The following CCDC60 variants were observed in gnomAD, a reference collection of about 807,000 sequenced individuals.
CCDC60 encodes coiled-coil domain containing 60.
A neutral mutation model predicts 63.5 loss-of-function variants in CCDC60; 54 were observed. The ratio of observed to expected loss-of-function variants is 0.85; its 90% CI spans 0.68 to 1.07. The LOEUF (loss-of-function observed/expected upper bound fraction) is 1.07, where lower values mean the gene tolerates loss of function less well. Ranked by LOEUF, CCDC60 falls within the 50% of genes least tolerant of loss-of-function variation. The pLI, the probability that CCDC60 is intolerant of heterozygous loss-of-function variation, is 0.00. For missense variants in CCDC60, 651 were observed against 684.3 expected, an observed-to-expected ratio of 0.95 and a Z score of 0.54; for synonymous variants, 206 against 238.8, an observed-to-expected ratio of 0.86 and a Z score of 1.27.
intron 7 of CCDC60, among the ~76,000 whole-genome samples, chr12:119,513,778 G>A (rs1479876163): frequency 2.6e-5 from 4 of 152,150 alleles, no homozygotes; most frequent in Non-Finnish European, 5.9e-5. Flanking sequence ...CTGTAATGAT[G>A]CTGGTGTCAA....
At chr12:119,360,563 C>T (rs1209403873) in intron 1 of CCDC60, among the ~76,000 whole-genome samples, 1 of 151,742 alleles carries the variant, frequency 6.6e-6, no homozygotes, top group African/African-American at 2.4e-5. Context: ...ACGCTCCTCA[C>T]CTCCCAGACG....
chr12:119,404,193 G>A (rs1956443587), intron 1 of CCDC60, among the ~76,000 whole-genome samples: 3 of 152,196 alleles, frequency 2.0e-5, no homozygotes, highest in Admixed American at 2.0e-4. Context: ...GGGAGGCTGA[G>A]GCAGGAGAAT....
At chr12:119,526,000 C>T (rs1020014885) in intron 11 of CCDC60, among the ~76,000 whole-genome samples, 1 of 152,154 alleles carries the variant, frequency 6.6e-6, no homozygotes, top group Non-Finnish European at 1.5e-5. Flanking sequence ...AATCACATCA[C>T]CTGACCTCAA....
intron 2 of CCDC60, among the ~76,000 whole-genome samples, chr12:119,448,765 C>G (rs1437042689): frequency 6.6e-6 from 1 of 152,158 alleles, no homozygotes; most frequent in Non-Finnish European, 1.5e-5. Context: ...CTCTTAATAG[C>G]AGTTGCCTAG....
chr12:119,507,581 CATATATATACAT>C (rs1952070999), intron 7 of CCDC60, among the ~76,000 whole-genome samples: 1 of 27,326 alleles, frequency 3.7e-5, no homozygotes, highest in South Asian at 2.1e-3. Flanking sequence ...TATATATACA[CATATATATACAT>C]ATATATATAT....
intron 3 of CCDC60, among the ~76,000 whole-genome samples, chr12:119,472,577 T>A (rs1007497587): frequency 9.1e-5 from 2 of 21,956 alleles, no homozygotes; most frequent in Non-Finnish European, 1.7e-4. Flanking sequence ...AAATGCCTCC[T>A]TTTTTTTTTT....
chr12:119,364,680 T>A lies in CCDC60; in HGVS notation c.90+29414T>A, dbSNP rs1955822989. ...TGAGAAGATAAAAGTAATTTGCCGG[T>A]GCATCTTATAATTGATGCCCACACT... On this transcript the variant is annotated intron_variant, in intron 1 of 13. Transcript: ENST00000327554. 2.6e-5 allele frequency among the ~76,000 whole-genome samples: 4 copies of A among 152,200 alleles called. No homozygotes were observed. In the South Asian group the frequency reaches 8.3e-4, roughly 31 times the overall value.
rs1358308429 is a variant in CCDC60, at chr12:119,479,184, G to T, written c.432G>T (p.Ser144=). Residue 144 remains serine (S), a synonymous_variant, in exon 4 of 14, where the codon TCG becomes TCT. Transcript: ENST00000327554. ...TCCACAGCTGCATCATTTCTCCCTC[G>T]CTAACCGAGGCTCACGTGTAAGTAG... is the stretch of plus-strand genomic sequence containing the variant. ...TPIHSCIISP[S]LTEAHVEPLF... is the part of the protein sequence containing the mutation. 6.2e-7 allele frequency: 1 copy of T among 1,613,392 alleles called. No individual in the cohort carries two copies. Among genetic ancestry groups the T allele is most frequent in the Non-Finnish European group, 8.5e-7 (1 of 1,179,524 alleles).
chr12:119,508,919 A>T (rs1366927729), intron 7 of CCDC60, among the ~76,000 whole-genome samples: 1 of 152,080 alleles, frequency 6.6e-6, no homozygotes, highest in East Asian at 1.9e-4. Context: ...CCCCAGTCCC[A>T]GAGCTTGCCC....
intron 11 of CCDC60, among the ~76,000 whole-genome samples, chr12:119,525,121 T>C (rs1479306429): frequency 1.3e-5 from 2 of 152,206 alleles, no homozygotes; most frequent in African/African-American, 2.4e-5. Flanking sequence ...TTGTAGATGA[T>C]AAAAGTGAGC....
At chr12:119,488,470 A>G (rs1362563189) in intron 4 of CCDC60, among the ~76,000 whole-genome samples, 1 of 152,074 alleles carries the variant, frequency 6.6e-6, no homozygotes, top group African/African-American at 2.4e-5. Context: ...CTGGCATTGG[A>G]TAATCTCATT....
chr12:119,472,256 C>A (rs1159834265), intron 3 of CCDC60, 92 bp downstream of exon 3: 2 of 1,225,214 alleles, frequency 1.6e-6, no homozygotes, highest in Non-Finnish European at 2.3e-6. Flanking sequence ...GGGCAGCTAT[C>A]TCAGAGCACG....
At chr12:119,424,961 C>A (rs139805878) in intron 1 of CCDC60, among the ~76,000 whole-genome samples, 1 of 152,162 alleles carries the variant, frequency 6.6e-6, no homozygotes, top group African/African-American at 2.4e-5. Context: ...CAAATCCACT[C>A]TTACACAATG....
In CCDC60 at chr12:119,455,948, AG is replaced by A. The variant is rs1234583748; in HGVS notation, c.171-16044del. On this transcript the variant is annotated intron_variant, in intron 2 of 13. Transcript: ENST00000327554. ...AAGAAAGAAAGAGAAAGAGAGAGAA[AG>A]GAAGGAAGGAGGGAGGGGAGGGAGG... Among the ~76,000 whole-genome samples, 19 of 128,180 alleles carry A rather than the reference AG, an allele frequency of 1.5e-4. 1 individual carries two copies. In the South Asian group the frequency reaches 5.9e-3, roughly 40 times the overall value. 84.1% of individuals were successfully genotyped at this position (128,180 alleles called of 152,430 possible). A position where few individuals can be genotyped will look rare whatever the true frequency, so the allele number is the denominator to read the frequency against.
At chr12:119,437,757 C>G (rs914971478) in intron 2 of CCDC60, among the ~76,000 whole-genome samples, 4 of 152,194 alleles carry the variant, frequency 2.6e-5, no homozygotes, top group Non-Finnish European at 5.9e-5. Flanking sequence ...ATTCCCTCCC[C>G]TAGACTTGAG....
At chr12:119,439,902 G>A (rs570612585) in intron 2 of CCDC60, among the ~76,000 whole-genome samples, 8 of 152,272 alleles carry the variant, frequency 5.3e-5, no homozygotes, top group African/African-American at 1.9e-4. Flanking sequence ...CCCAATGAGG[G>A]AAAAATAACT....
At chr12:119,418,410 T>C (rs1956748280) in intron 1 of CCDC60, among the ~76,000 whole-genome samples, 5 of 85,916 alleles carry the variant, frequency 5.8e-5, no homozygotes, top group Admixed American at 1.2e-4. Flanking sequence ...TTTTTTTTTT[T>C]TTTTTTTTTT....
chr12:119,485,053 G>T (rs1303282749), intron 4 of CCDC60, among the ~76,000 whole-genome samples: 1 of 152,230 alleles, frequency 6.6e-6, no homozygotes, highest in Non-Finnish European at 1.5e-5. Flanking sequence ...GAGAGCTGAA[G>T]CCCAATCACT....
chr12:119,448,620 A>T (rs1003706843), intron 2 of CCDC60, among the ~76,000 whole-genome samples: 3 of 152,190 alleles, frequency 2.0e-5, no homozygotes, highest in African/African-American at 7.2e-5. Context: ...CCCCTCTAAG[A>T]CATAATTTGC....
Sources: allele counts gnomAD v4.1 joint callset (sites outside exome capture counted in the v4.1 genomes callset), GRCh38; gene constraint gnomAD v4.1.1; transcripts MANE v1.5; gene names NCBI Gene and HGNC (gene_info 2026-07-23, HGNC 2026-07-21).